Variants in CCDC192 observed in about 807,000 individuals in gnomAD.
CCDC192 encodes coiled-coil domain containing 192.
chr5:127,798,347 A>T (rs1757291342), intron 5 of CCDC192, among the ~76,000 whole-genome samples, 185 bp downstream of exon 5: 1 of 152,184 alleles, frequency 6.6e-6, no homozygotes, highest in Non-Finnish European at 1.5e-5. Context: ...ATTTTTGTGG[A>T]TGACCAAAAT....
At chr5:127,839,619 A>T (rs1279565427) in intron 5 of CCDC192, among the ~76,000 whole-genome samples, 2 of 152,172 alleles carry the variant, frequency 1.3e-5, no homozygotes, top group Non-Finnish European at 2.9e-5. Flanking sequence ...AGATATAATT[A>T]TGGAGAAAAG....
At chr5:127,752,822 G>A (rs1232560046) in intron 2 of CCDC192, among the ~76,000 whole-genome samples, 1 of 152,162 alleles carries the variant, frequency 6.6e-6, no homozygotes, top group Non-Finnish European at 1.5e-5. Flanking sequence ...GTGGTGCGCC[G>A]TTTTTTAAGC....
chr5:127,887,945 C>T (rs1396733162), intron 6 of CCDC192, among the ~76,000 whole-genome samples: 1 of 151,872 alleles, frequency 6.6e-6, no homozygotes, highest in Non-Finnish European at 1.5e-5. Flanking sequence ...CCTCGTGATC[C>T]ACCCGCCTCG....
At chr5:127,710,914 A>G (rs1202442092) in intron 2 of CCDC192, among the ~76,000 whole-genome samples, 1 of 152,162 alleles carries the variant, frequency 6.6e-6, no homozygotes, top group African/African-American at 2.4e-5. Context: ...GGTAGTCCCC[A>G]TTTATCTCAA....
chr5:127,910,637 C>T (rs543160094), intron 6 of CCDC192, among the ~76,000 whole-genome samples: 12 of 152,170 alleles, frequency 7.9e-5, no homozygotes, highest in Non-Finnish European at 1.5e-4. Flanking sequence ...CAAAAAGTCC[C>T]ATTGTTTCCC....
chr5:127,858,963 T>C (rs1485910091), intron 5 of CCDC192, among the ~76,000 whole-genome samples: 1 of 152,160 alleles, frequency 6.6e-6, no homozygotes, highest in Non-Finnish European at 1.5e-5. Flanking sequence ...CACATAAAAA[T>C]TGTGTTGAGT....
chr5:127,775,028 A>G (rs1254526159), intron 3 of CCDC192, among the ~76,000 whole-genome samples: 1 of 152,116 alleles, frequency 6.6e-6, no homozygotes, highest in Non-Finnish European at 1.5e-5. Context: ...GAATGGAAGT[A>G]TTTTATTTCC....
At chr5:127,872,826 A>G (rs189901097) in intron 5 of CCDC192, among the ~76,000 whole-genome samples, 421 of 152,302 alleles carry the variant, frequency 2.8e-3, no homozygotes, top group African/African-American at 9.5e-3. Context: ...ACTGCCCTGT[A>G]TGCTGTAATG....
chr5:127,925,246 A>G lies in CCDC192; in HGVS notation c.536-15936A>G, dbSNP rs537024172. On this transcript the variant is annotated intron_variant, in intron 6 of 6. Transcript: ENST00000514853. ...AACACCTATGAAAATTAATGTTTAT[A>G]ATAGAATATCAGAAGATTTCCTAAA... Among the ~76,000 whole-genome samples the G allele has an allele frequency of 6.6e-5, 10 of 152,358 alleles. No homozygotes were observed. In the South Asian group the frequency reaches 8.3e-4, roughly 13 times the overall value.
intron 6 of CCDC192, among the ~76,000 whole-genome samples, chr5:127,898,411 A>G (rs1306235023): frequency 6.6e-6 from 1 of 152,122 alleles, no homozygotes; most frequent in Non-Finnish European, 1.5e-5. Flanking sequence ...GCCCGGCCCA[A>G]ATGTCTGTTA....
In CCDC192 at chr5:127,852,420, A is replaced by G. The variant is rs1206903447; in HGVS notation, c.412-23118A>G. ...AGAGGCCTCTGCAGTGTTTTCTCAC[A>G]TGGGGGAAGTATTGGCTGTTATGTG... On this transcript the variant is annotated intron_variant, in intron 5 of 6. Coordinates refer to ENST00000514853, the MANE Select transcript of CCDC192 (RefSeq NM_001317938.2). Among the ~76,000 whole-genome samples the G allele has an allele frequency of 2.6e-5, 4 of 152,288 alleles. No individual in the cohort carries two copies. The East Asian group carries it at 7.7e-4, about 29-fold the overall frequency.
chr5:127,712,484 C>A (rs574530563), intron 2 of CCDC192, among the ~76,000 whole-genome samples: 1 of 152,316 alleles, frequency 6.6e-6, no homozygotes, highest in South Asian at 2.1e-4. Flanking sequence ...CCTGTTCCTT[C>A]CACCATTAGT....
intron 6 of CCDC192, among the ~76,000 whole-genome samples, chr5:127,914,670 A>G (rs576808560): frequency 6.6e-6 from 1 of 152,366 alleles, no homozygotes; most frequent in East Asian, 1.9e-4. Flanking sequence ...GATTTGGGCA[A>G]CGTGCTTGGA....
In CCDC192 at chr5:127,812,350, C is replaced by G. The variant is rs184591847; in HGVS notation, c.411+14188C>G. Among the ~76,000 whole-genome samples, 7 of 152,214 alleles carry G rather than the reference C, an allele frequency of 4.6e-5. 1 individual carries two copies. The highest frequency in any genetic ancestry group is 7.4e-5 in the Non-Finnish European group (5 of 68,016). On this transcript the variant is annotated intron_variant, in intron 5 of 6. Transcript: ENST00000514853. ...TCTGTAAAATGGAATAATGGTAGAA[C>G]CTACCTCAACAGGATTATTGTGAGA...
intron 5 of CCDC192, among the ~76,000 whole-genome samples, chr5:127,841,925 T>C (rs1045598963): frequency 6.6e-6 from 1 of 152,188 alleles, no homozygotes; most frequent in African/African-American, 2.4e-5. Context: ...ACTGAGCAAG[T>C]GCAATGATGA....
intron 2 of CCDC192, among the ~76,000 whole-genome samples, chr5:127,719,532 T>C (rs1228886): frequency 0.021 from 1,247 of 59,244 alleles, 52 homozygotes; most frequent in Admixed American, 0.11. Flanking sequence ...TATACACACA[T>C]ACATATATAT....
At chr5:127,754,476 CACACACACACACACACAT>C (rs1271549128) in intron 3 of CCDC192, 101 bp downstream of exon 3, 7 of 337,514 alleles carry the variant, frequency 2.1e-5, no homozygotes, top group African/African-American at 1.1e-4. Flanking sequence ...TACTGATACA[CACACACACACACACACAT>C]ACACACACAC....
intron 5 of CCDC192, among the ~76,000 whole-genome samples, chr5:127,833,768 G>C (rs1024253240): frequency 6.6e-6 from 1 of 152,100 alleles, no homozygotes; most frequent in Non-Finnish European, 1.5e-5. Flanking sequence ...AAGTGTTACA[G>C]TAAGCTGTAT....
chr5:127,817,186 C>A (rs753721082), intron 5 of CCDC192, among the ~76,000 whole-genome samples: 2 of 152,096 alleles, frequency 1.3e-5, no homozygotes, highest in Admixed American at 6.6e-5. Flanking sequence ...AATAGTGACA[C>A]CCTAATAAAG....
Sources: allele counts gnomAD v4.1 joint callset (sites outside exome capture counted in the v4.1 genomes callset), GRCh38; gene constraint gnomAD v4.1.1; transcripts MANE v1.5; gene names NCBI Gene and HGNC (gene_info 2026-07-23, HGNC 2026-07-21).